The following TPD52 variants were observed in gnomAD, a reference collection of about 807,000 sequenced individuals.
TPD52 encodes the protein tumor protein D52.
Under a neutral mutation model 31.3 loss-of-function variants are expected in TPD52, and 17 were observed. The ratio of observed to expected loss-of-function variants is 0.54; its 90% CI spans 0.37 to 0.82. The LOEUF (loss-of-function observed/expected upper bound fraction) is 0.82. Ranked by LOEUF, TPD52 falls within the 40% of genes least tolerant of loss-of-function variation. TPD52 has a pLI of 0.00. For missense variants in TPD52, 212 were observed against 240.1 expected (o/e 0.88, Z 0.77); for synonymous variants, 83 against 89.6 (o/e 0.93, Z 0.42).
chr8:80,085,895 G>C (rs1815713151), intron 1 of TPD52, among the ~76,000 whole-genome samples: 1 of 152,088 alleles, frequency 6.6e-6, no homozygotes, highest in Non-Finnish European at 1.5e-5. Flanking sequence ...CTGAGATCAA[G>C]TGTAGTAACA....
chr8:80,051,705 T>C (rs1586161193), intron 3 of TPD52, 77 bp from the exon 4 acceptor site: 1 of 1,162,182 alleles, frequency 8.6e-7, no homozygotes, highest in Non-Finnish European at 1.2e-6. Context: ...TCAAGTGCAG[T>C]GGTCACCACC....
downstream of TPD52, among the ~76,000 whole-genome samples, chr8:80,033,623 TC>T (rs1454767584): frequency 6.6e-6 from 1 of 152,124 alleles, no homozygotes; most frequent in African/African-American, 2.4e-5. Context: ...TTCCTTTTGC[TC>T]CCGCTGTTCA....
chr8:80,107,572 TTG>T (rs138254271), intron 1 of TPD52, among the ~76,000 whole-genome samples: 7 of 152,044 alleles, frequency 4.6e-5, no homozygotes, highest in African/African-American at 1.4e-4. Context: ...GTATGAATGT[TTG>T]TGTGTGTGTG....
At chr8:80,078,431 T>A (rs956629175) in intron 1 of TPD52, among the ~76,000 whole-genome samples, 9 of 152,234 alleles carry the variant, frequency 5.9e-5, no homozygotes, top group Non-Finnish European at 1.3e-4. Flanking sequence ...TAAAAGCTTC[T>A]ACGTAGAAAT....
chr8:80,085,191 C>T (rs903566116), intron 1 of TPD52, among the ~76,000 whole-genome samples: 2 of 152,168 alleles, frequency 1.3e-5, no homozygotes, highest in African/African-American at 4.8e-5. Flanking sequence ...AAAGTGCTCA[C>T]GCACCACTAT....
chr8:80,126,640 C>T (rs1442637598), intron 1 of TPD52, among the ~76,000 whole-genome samples: 1 of 151,878 alleles, frequency 6.6e-6, no homozygotes, highest in Non-Finnish European at 1.5e-5. Context: ...CGCCACCATG[C>T]CTAGCCAATT....
intron 1 of TPD52, among the ~76,000 whole-genome samples, chr8:80,076,794 C>T (rs1446539384): frequency 6.6e-6 from 1 of 152,078 alleles, no homozygotes; most frequent in Non-Finnish European, 1.5e-5. Context: ...ACCTCAGCCT[C>T]CCAAGTAGCT....
chr8:80,076,648 G>C (rs1814574770), intron 1 of TPD52, among the ~76,000 whole-genome samples: 1 of 151,644 alleles, frequency 6.6e-6, no homozygotes, highest in Admixed American at 6.6e-5. Flanking sequence ...GCCTGTACAT[G>C]CACCCCTGAA....
At chr8:80,098,181 C>T (rs1230188463) in intron 1 of TPD52, among the ~76,000 whole-genome samples, 1 of 152,172 alleles carries the variant, frequency 6.6e-6, no homozygotes, top group Non-Finnish European at 1.5e-5. Flanking sequence ...TGGAGATGTA[C>T]AAGGAGATGA....
intron 1 of TPD52, among the ~76,000 whole-genome samples, chr8:80,143,310 A>G (rs1039600900): frequency 5.3e-5 from 8 of 152,214 alleles, no homozygotes; most frequent in African/African-American, 1.4e-4. Context: ...CCCTAACATA[A>G]GGACCCAAAG....
chr8:80,065,456 C>A (rs1813037044), intron 1 of TPD52, among the ~76,000 whole-genome samples: 1 of 152,032 alleles, frequency 6.6e-6, no homozygotes, highest in East Asian at 1.9e-4. Context: ...TCAGGAAGAA[C>A]AACTGGAGAG....
intron 5 of TPD52, among the ~76,000 whole-genome samples, chr8:80,049,085 G>A (rs908644737): frequency 5.9e-5 from 9 of 152,144 alleles, no homozygotes; most frequent in African/African-American, 2.2e-4. Context: ...CTAGTGATAT[G>A]TACTGAAGAA....
intron 7 of TPD52, among the ~76,000 whole-genome samples, chr8:80,038,704 T>G (rs1810097395): frequency 6.6e-6 from 1 of 152,190 alleles, no homozygotes; most frequent in South Asian, 2.1e-4. Flanking sequence ...ATACTTAAAG[T>G]GTGGTTCAAG....
At chr8:80,077,838 A>G (rs1405295934) in intron 1 of TPD52, among the ~76,000 whole-genome samples, 2 of 152,362 alleles carry the variant, frequency 1.3e-5, no homozygotes, top group East Asian at 1.9e-4. Context: ...TAAAAAGACA[A>G]ACAAAGCTTA....
At chr8:80,072,797 A>T (rs2130769724) in intron 1 of TPD52, among the ~76,000 whole-genome samples, 1 of 146,018 alleles carries the variant, frequency 6.8e-6, no homozygotes, top group South Asian at 2.1e-4. Flanking sequence ...ACACACACAC[A>T]CATATATATA....
intron 1 of TPD52, among the ~76,000 whole-genome samples, chr8:80,091,383 G>A (rs1586279454): frequency 6.6e-6 from 1 of 151,816 alleles, no homozygotes; most frequent in Non-Finnish European, 1.5e-5. Context: ...GCAGGAGAAT[G>A]GCCTGAACCC....
At chr8:80,098,168 C>T (rs538738086) in intron 1 of TPD52, among the ~76,000 whole-genome samples, 14 of 152,242 alleles carry the variant, frequency 9.2e-5, no homozygotes, top group South Asian at 6.2e-4. Flanking sequence ...TCAAGAGCTC[C>T]GATGGAGATG....
chr8:80,044,500 A>G (rs561161489), intron 5 of TPD52, among the ~76,000 whole-genome samples: 7 of 152,320 alleles, frequency 4.6e-5, no homozygotes, highest in African/African-American at 1.7e-4. Context: ...TAGGTGTTAA[A>G]TGAGTTACCG....
chr8:80,147,511 C>A (rs1470894221), intron 1 of TPD52, among the ~76,000 whole-genome samples: 1 of 152,162 alleles, frequency 6.6e-6, no homozygotes, highest in Admixed American at 6.5e-5. Flanking sequence ...CAGCTAGCTA[C>A]CAAAGGATGA....
Sources: allele counts gnomAD v4.1 joint callset (sites outside exome capture counted in the v4.1 genomes callset), GRCh38; gene constraint gnomAD v4.1.1; transcripts MANE v1.5; gene names NCBI Gene and HGNC (gene_info 2026-07-23, HGNC 2026-07-21).